The following CDIN1 variants were observed in gnomAD, a reference collection of about 807,000 sequenced individuals.
CDIN1 encodes CDAN1-interacting nuclease 1.
A neutral mutation model predicts 45.3 loss-of-function variants in CDIN1; 33 were observed. The ratio of observed to expected loss-of-function variants is 0.73; its 90% CI spans 0.55 to 0.97. CDIN1 has a LOEUF of 0.97. CDIN1 is among the 50% of genes least tolerant of loss of function. The pLI is 0.00. For synonymous variants in CDIN1, 118 were observed against 124.4 expected (o/e 0.95, Z 0.34); for missense variants, 303 against 339.4 (o/e 0.89, Z 0.84).
intron 10 of CDIN1, among the ~76,000 whole-genome samples, chr15:36,777,255 G>T (rs888993921): frequency 2.6e-5 from 4 of 152,108 alleles, no homozygotes; most frequent in African/African-American, 9.7e-5. Context: ...GAGAAAAAAA[G>T]AAATACTTGA....
chr15:36,672,211 C>G (rs2041477447), intron 5 of CDIN1, among the ~76,000 whole-genome samples: 1 of 151,480 alleles, frequency 6.6e-6, no homozygotes, highest in African/African-American at 2.4e-5. Flanking sequence ...TATTCTTTTT[C>G]TATGAAACAT....
intron 5 of CDIN1, among the ~76,000 whole-genome samples, 160 bp from the exon 6 acceptor site, chr15:36,691,525 A>AT (rs1264538215): frequency 1.3e-5 from 2 of 152,054 alleles, no homozygotes; most frequent in Non-Finnish European, 2.9e-5. Flanking sequence ...AAATGGTCTA[A>AT]TTAAAAGCTT....
intron 10 of CDIN1, among the ~76,000 whole-genome samples, chr15:36,786,459 T>C (rs1330338045): frequency 6.6e-6 from 1 of 152,198 alleles, no homozygotes; most frequent in Non-Finnish European, 1.5e-5. Context: ...TGGACACATC[T>C]CATTGTGACA....
intron 4 of CDIN1, among the ~76,000 whole-genome samples, chr15:36,655,090 A>G (rs2040727075): frequency 1.3e-5 from 2 of 152,202 alleles, no homozygotes. Flanking sequence ...ATGTTATATT[A>G]GCAAGGAAGG....
At chr15:36,648,124 C>A (rs2040417419) in intron 3 of CDIN1, among the ~76,000 whole-genome samples, 1 of 152,080 alleles carries the variant, frequency 6.6e-6, no homozygotes, top group Non-Finnish European at 1.5e-5. Flanking sequence ...CAGGCGTGAG[C>A]CACCGTGCCC....
At chr15:36,617,853 GAGA>G in intron 1 of CDIN1, 1 of 777,582 alleles carries the variant, frequency 1.3e-6, no homozygotes, top group Non-Finnish European at 2.4e-6. Context: ...AAATCCTTAA[GAGA>G]AGAAGTTAAA....
At position 36,629,437 on chromosome 15, in the gene CDIN1, G is replaced by A. The variant is rs955488417; in HGVS notation, c.102-14841G>A. Among the ~76,000 whole-genome samples, 10 of 152,092 alleles carry A rather than the reference G, an allele frequency of 6.6e-5. 1 individual carries two copies. Among genetic ancestry groups the A allele is most frequent in the South Asian group, 4.1e-4 (2 of 4,826 alleles). Reference sequence around the variant, plus strand: ...TGCTATTTTTAAGACTAAGGCTTTCGTGGAAGAAAAGGCAAAAGGATACCA... The same window carrying A: ...TGCTATTTTTAAGACTAAGGCTTTCATGGAAGAAAAGGCAAAAGGATACCA... On this transcript the variant is annotated intron_variant, in intron 1 of 10. Transcript: ENST00000566621.
intron 10 of CDIN1, among the ~76,000 whole-genome samples, chr15:36,794,061 AT>A (rs71126238): frequency 5.4e-4 from 66 of 121,282 alleles, no homozygotes; most frequent in African/African-American, 1.7e-3. Flanking sequence ...CATCATAACT[AT>A]TTTTTTTTTT....
At chr15:36,768,486 G>A (rs899087629) in intron 10 of CDIN1, among the ~76,000 whole-genome samples, 9 of 152,180 alleles carry the variant, frequency 5.9e-5, no homozygotes, top group Non-Finnish European at 8.8e-5. Flanking sequence ...TGCTCTCCCT[G>A]TTCCCAAAGG....
chr15:36,751,541 A>T (rs556816481), intron 10 of CDIN1, among the ~76,000 whole-genome samples: 96 of 150,610 alleles, frequency 6.4e-4, no homozygotes, highest in Non-Finnish European at 8.7e-4. Flanking sequence ...TAAAAATATA[A>T]AAAAAAAATT....
At position 36,580,829 on chromosome 15, in the gene CDIN1, C is replaced by T. The variant is rs145997833; in HGVS notation, c.101+868C>T. On this transcript the variant is annotated intron_variant, in intron 1 of 10. Transcript: ENST00000566621. ...ACCTGTACCATTTTGTTTTGTGGCA[C>T]TGAGCATGGTTATTCCTAATGGAGA... Among the ~76,000 whole-genome samples, 994 of 152,288 alleles carry T rather than the reference C, an allele frequency of 6.5e-3. 12 individuals carry two copies. The highest frequency in any genetic ancestry group is 0.023 in the African/African-American group (940 of 41,556).
At chr15:36,697,246 A>G in intron 7 of CDIN1, 77 bp from the exon 8 acceptor site, 1 of 1,243,026 alleles carries the variant, frequency 8.0e-7, no homozygotes, top group Non-Finnish European at 1.2e-6. Flanking sequence ...ATGGCTGCTC[A>G]AAGTATAGAC....
intron 10 of CDIN1, among the ~76,000 whole-genome samples, chr15:36,720,276 A>AT (rs1555400030): frequency 7.2e-6 from 1 of 138,164 alleles, no homozygotes; most frequent in Non-Finnish European, 1.6e-5. Context: ...TTATTTATTT[A>AT]TTATTATTTT....
chr15:36,736,437 A>C (rs926916708), intron 10 of CDIN1, among the ~76,000 whole-genome samples: 5 of 152,134 alleles, frequency 3.3e-5, no homozygotes, highest in African/African-American at 1.2e-4. Context: ...TAATGGAAGA[A>C]CTTGACATTC....
At chr15:36,807,312 G>A (rs1257045869) in intron 10 of CDIN1, among the ~76,000 whole-genome samples, 1 of 152,156 alleles carries the variant, frequency 6.6e-6, no homozygotes, top group East Asian at 1.9e-4. Context: ...AATACAGAAA[G>A]CAGTTCTGTT....
At chr15:36,645,724 A>G (rs7167043) in intron 3 of CDIN1, among the ~76,000 whole-genome samples, 145,166 of 152,170 alleles carry the variant, frequency 0.95, 69,246 homozygotes, top group East Asian at 1. Context: ...TTTGGATGTC[A>G]TTTTATTTTG....
At chr15:36,755,686 T>TA (rs11380291) in intron 10 of CDIN1, among the ~76,000 whole-genome samples, 131,595 of 147,816 alleles carry the variant, frequency 0.89, 59,067 homozygotes, top group Non-Finnish European at 0.97. Flanking sequence ...AGTGTTGGTT[T>TA]AAAAAAAAAA....
chr15:36,655,383 G>C (rs575774329), intron 4 of CDIN1, among the ~76,000 whole-genome samples: 4 of 150,504 alleles, frequency 2.7e-5, no homozygotes, highest in African/African-American at 9.8e-5. Context: ...CTGGAGTGCA[G>C]TGGCGTGATC....
chr15:36,597,448 A>G (rs997272696), intron 1 of CDIN1, among the ~76,000 whole-genome samples: 4 of 152,202 alleles, frequency 2.6e-5, no homozygotes, highest in African/African-American at 9.6e-5. Flanking sequence ...ACCCTGCATT[A>G]TGGCTAAAGT....
Sources: gnomAD v4.1 joint callset for allele counts (sites outside exome capture counted in the v4.1 genomes callset) on GRCh38, gnomAD v4.1.1 for gene constraint, MANE v1.5 for transcripts, NCBI Gene and HGNC (gene_info 2026-07-23, HGNC 2026-07-21) for gene names.